The following FHIT variants were observed in gnomAD, a reference collection of about 807,000 sequenced individuals.
FHIT encodes the protein bis(5'-adenosyl)-triphosphatase.
Under a neutral mutation model 17.9 loss-of-function variants are expected in FHIT, and 19 were observed. The observed-to-expected ratio is 1.06, with a 90% confidence interval of 0.74 to 1.56. The LOEUF (loss-of-function observed/expected upper bound fraction) is 1.56, where lower values mean the gene tolerates loss of function less well. Ranked by LOEUF, FHIT falls within the 40% of genes most tolerant of loss-of-function variation. The pLI is 0.00. For synonymous variants in FHIT, 81 were observed against 69.7 expected (o/e 1.16, Z -0.81); for missense variants, 248 against 189.2 (o/e 1.31, Z -1.82).
chr3:59,863,289 A>T (rs79167352), intron 8 of FHIT, among the ~76,000 whole-genome samples: 4,182 of 152,290 alleles, frequency 0.027, 185 homozygotes, highest in African/African-American at 0.095. Flanking sequence ...AGACTACTCC[A>T]GTGCTCACTG....
intron 5 of FHIT, among the ~76,000 whole-genome samples, chr3:60,354,939 C>G (rs1346350269): frequency 1.3e-5 from 2 of 152,114 alleles, no homozygotes; most frequent in Non-Finnish European, 2.9e-5. Context: ...GACTACTTAT[C>G]CTTAAACATT....
At chr3:60,876,030 G>A (rs1490501357) in intron 3 of FHIT, among the ~76,000 whole-genome samples, 1 of 150,744 alleles carries the variant, frequency 6.6e-6, no homozygotes, top group Non-Finnish European at 1.5e-5. Flanking sequence ...AGAGATCTCT[G>A]AAGAAGTGAC....
chr3:60,136,678 T>G (rs568307483), intron 5 of FHIT, among the ~76,000 whole-genome samples: 1 of 152,242 alleles, frequency 6.6e-6, no homozygotes, highest in East Asian at 1.9e-4. Flanking sequence ...CTTGAAGATT[T>G]CTATTACCCG....
chr3:60,411,979 T>C (rs1364580014), intron 5 of FHIT, among the ~76,000 whole-genome samples: 6 of 152,268 alleles, frequency 3.9e-5, no homozygotes, highest in African/African-American at 1.4e-4. Context: ...GTATTTATTG[T>C]CTACTCTAGT....
At chr3:60,449,714 C>T (rs565340891) in intron 5 of FHIT, among the ~76,000 whole-genome samples, 1 of 151,942 alleles carries the variant, frequency 6.6e-6, no homozygotes, top group South Asian at 2.1e-4. Context: ...AAAAATATGG[C>T]ACAAAAGGTA....
intron 4 of FHIT, among the ~76,000 whole-genome samples, chr3:60,802,948 G>T (rs1162764561): frequency 6.6e-6 from 1 of 152,074 alleles, no homozygotes; most frequent in Non-Finnish European, 1.5e-5. Context: ...CTATGTACAA[G>T]GCTGCTCTCC....
chr3:61,225,859 T>C (rs2039958543), intron 1 of FHIT, among the ~76,000 whole-genome samples: 1 of 152,234 alleles, frequency 6.6e-6, no homozygotes, highest in African/African-American at 2.4e-5. Flanking sequence ...AACAATTCTA[T>C]AAATACAATG....
At chr3:61,187,589 C>T (rs2038559933) in intron 2 of FHIT, among the ~76,000 whole-genome samples, 1 of 152,208 alleles carries the variant, frequency 6.6e-6, no homozygotes. Flanking sequence ...ACCTAATAGA[C>T]ATCTACAGAA....
At chr3:60,584,057 A>T (rs1277237320) in intron 4 of FHIT, among the ~76,000 whole-genome samples, 1 of 152,076 alleles carries the variant, frequency 6.6e-6, no homozygotes, top group Non-Finnish European at 1.5e-5. Flanking sequence ...CTGCAGATAC[A>T]GGTATAGGTA....
chr3:60,633,612 A>G, intron 4 of FHIT, among the ~76,000 whole-genome samples: 1 of 152,194 alleles, frequency 6.6e-6, no homozygotes, highest in Non-Finnish European at 1.5e-5. Context: ...AAAATCTTTC[A>G]AGCTATTCCG....
At chr3:60,645,346 G>A (rs1048503014) in intron 4 of FHIT, among the ~76,000 whole-genome samples, 2 of 152,148 alleles carry the variant, frequency 1.3e-5, no homozygotes, top group African/African-American at 4.8e-5. Flanking sequence ...CAGAGTTTCA[G>A]GGTGAGTCTC....
intron 8 of FHIT, among the ~76,000 whole-genome samples, chr3:59,899,873 G>A (rs1346578922): frequency 6.6e-6 from 1 of 152,048 alleles, no homozygotes; most frequent in Non-Finnish European, 1.5e-5. Context: ...AAAAGAATCA[G>A]CTATTGCAGG....
chr3:60,990,793 C>T (rs999750219), intron 3 of FHIT, among the ~76,000 whole-genome samples: 4 of 152,192 alleles, frequency 2.6e-5, no homozygotes, highest in Non-Finnish European at 4.4e-5. Flanking sequence ...GGACCTCCCA[C>T]AGCATGTAAA....
At chr3:59,826,457 T>C (rs529747395) in intron 8 of FHIT, among the ~76,000 whole-genome samples, 3 of 152,370 alleles carry the variant, frequency 2.0e-5, no homozygotes, top group Non-Finnish European at 2.9e-5. Flanking sequence ...TTACAGTTTG[T>C]TTATTGGCTG....
chr3:61,199,372 T>C (rs1245876913), intron 2 of FHIT, among the ~76,000 whole-genome samples: 1 of 152,208 alleles, frequency 6.6e-6, no homozygotes, highest in African/African-American at 2.4e-5. Flanking sequence ...TTCCAAGATG[T>C]GGCTCAATGG....
chr3:60,320,611 G>A (rs1398476953), intron 5 of FHIT, among the ~76,000 whole-genome samples: 1 of 152,134 alleles, frequency 6.6e-6, no homozygotes, highest in Non-Finnish European at 1.5e-5. Context: ...GAATTGGGTA[G>A]CAATTATCTT....
intron 3 of FHIT, among the ~76,000 whole-genome samples, chr3:60,860,956 T>C (rs1553752033): frequency 1.9e-5 from 2 of 106,758 alleles, no homozygotes; most frequent in Admixed American, 1.0e-4. Context: ...ATGATACATA[T>C]ATACGTATAT....
At chr3:59,919,011 C>A (rs776915070) in intron 8 of FHIT, among the ~76,000 whole-genome samples, 1 of 152,040 alleles carries the variant, frequency 6.6e-6, no homozygotes, top group Non-Finnish European at 1.5e-5. Context: ...AAGGTTTTAC[C>A]TTTTATTTCC....
intron 8 of FHIT, among the ~76,000 whole-genome samples, chr3:59,794,818 A>T (rs554061163): frequency 6.6e-6 from 1 of 152,356 alleles, no homozygotes; most frequent in South Asian, 2.1e-4. Context: ...AGTTTCCTCC[A>T]AAGTTCAGTC....
Sources: gnomAD v4.1 joint callset for allele counts (sites outside exome capture counted in the v4.1 genomes callset) on GRCh38, gnomAD v4.1.1 for gene constraint, MANE v1.5 for transcripts, NCBI Gene and HGNC (gene_info 2026-07-23, HGNC 2026-07-21) for gene names.